MYRIP: variants seen among roughly 807,000 people sequenced by gnomAD.
MYRIP encodes the protein rab effector MyRIP.
In MYRIP, 49 loss-of-function variants were observed where a neutral mutation model predicts 98.0. That is an observed-to-expected ratio of 0.50 (90% confidence interval 0.40 to 0.63). MYRIP has a LOEUF of 0.63. Ranked by LOEUF, MYRIP falls within the 30% of genes least tolerant of loss-of-function variation. The pLI is 0.00. For missense variants in MYRIP, 1,004 were observed against 1,058.2 expected, an observed-to-expected ratio of 0.95 and a Z score of 0.71; for synonymous variants, 404 against 409.5, an observed-to-expected ratio of 0.99 and a Z score of 0.16.
chr3:39,983,309 G>A (rs1945940825), intron 2 of MYRIP, among the ~76,000 whole-genome samples: 2 of 152,116 alleles, frequency 1.3e-5, no homozygotes, highest in African/African-American at 4.8e-5. Flanking sequence ...CAACACAAAA[G>A]GTAATAGTTG....
At chr3:40,157,104 C>T (rs1296247380) in intron 4 of MYRIP, among the ~76,000 whole-genome samples, 3 of 147,218 alleles carry the variant, frequency 2.0e-5, no homozygotes. Flanking sequence ...CAGTTTTTGC[C>T]CATTCAGTAT....
At chr3:40,210,679 G>A (rs1457072563) in intron 11 of MYRIP, among the ~76,000 whole-genome samples, 1 of 152,052 alleles carries the variant, frequency 6.6e-6, no homozygotes, top group African/African-American at 2.4e-5. Context: ...TCTTGTCTCA[G>A]GGTCCCCAAA....
intron 2 of MYRIP, among the ~76,000 whole-genome samples, chr3:39,979,655 C>CAAAAA (rs56328162): frequency 7.6e-6 from 1 of 131,130 alleles, no homozygotes; most frequent in Non-Finnish European, 1.6e-5. Context: ...CAAAACAAAA[C>CAAAAA]AAAAAAAAAA....
rs570755689 is a variant in MYRIP, at chr3:40,052,482, G to A, written c.332+8211G>A. 2.0e-5 allele frequency among the ~76,000 whole-genome samples: 3 copies of A among 152,112 alleles called. No homozygotes were observed. In the South Asian group the frequency reaches 6.2e-4, roughly 32 times the overall value. Reference sequence around the variant, plus strand: ...TATGCACAAGTTAACAAATATATGGGGAAATATTGAACCTCATTAGAAATC... The same window carrying A: ...TATGCACAAGTTAACAAATATATGGAGAAATATTGAACCTCATTAGAAATC... On this transcript the variant is annotated intron_variant, in intron 3 of 16. Coordinates refer to ENST00000302541, the MANE Select transcript of MYRIP (RefSeq NM_015460.4).
At chr3:39,984,083 A>G (rs1320422562) in intron 2 of MYRIP, among the ~76,000 whole-genome samples, 3 of 152,232 alleles carry the variant, frequency 2.0e-5, no homozygotes, top group South Asian at 2.1e-4. Flanking sequence ...CTGCTTCCCA[A>G]TCTGGGGACT....
chr3:40,204,235 A>ATT lies in MYRIP; in HGVS notation c.1666-5608_1666-5607dup, dbSNP rs553006883. Among the ~76,000 whole-genome samples the ATT allele has an allele frequency of 4.1e-3, 109 of 26,710 alleles. 9 individuals carry two copies. Among genetic ancestry groups the ATT allele is most frequent in the African/African-American group, 0.017 (104 of 6,188 alleles). The allele number at this position is 26,710 out of a possible 152,430, so 17.5% of individuals were successfully genotyped here. A position where few individuals can be genotyped will look rare whatever the true frequency, so the allele number is the denominator to read the frequency against. On this transcript the variant is annotated intron_variant, in intron 10 of 16. Coordinates refer to ENST00000302541, the MANE Select transcript of MYRIP (RefSeq NM_015460.4). ...ATATATTATATATAAATATATATAT[A>ATT]TTTTTTTTTTTTGAGACAGAGTCTC...
chr3:39,817,034 C>A (rs1334937149), intron 1 of MYRIP, among the ~76,000 whole-genome samples: 3 of 152,150 alleles, frequency 2.0e-5, no homozygotes, highest in Non-Finnish European at 4.4e-5. Flanking sequence ...GCCTACTAAG[C>A]ATCATTTCCT....
chr3:40,036,175 C>A (rs987456024), intron 2 of MYRIP, among the ~76,000 whole-genome samples: 2 of 151,756 alleles, frequency 1.3e-5, no homozygotes, highest in Non-Finnish European at 2.9e-5. Context: ...CACTTAGTTA[C>A]TTCATAGTGA....
intron 2 of MYRIP, among the ~76,000 whole-genome samples, chr3:39,919,505 C>T (rs1248525825): frequency 6.6e-6 from 1 of 152,218 alleles, no homozygotes; most frequent in Non-Finnish European, 1.5e-5. Flanking sequence ...CTGCCACTCC[C>T]ACTTCCCTTC....
At chr3:40,038,181 G>C (rs1947425663) in intron 2 of MYRIP, among the ~76,000 whole-genome samples, 1 of 151,864 alleles carries the variant, frequency 6.6e-6, no homozygotes, top group Non-Finnish European at 1.5e-5. Flanking sequence ...TTAAACCTGA[G>C]AATTATAAAA....
At chr3:40,018,781 C>T (rs1353214454) in intron 2 of MYRIP, among the ~76,000 whole-genome samples, 1 of 152,128 alleles carries the variant, frequency 6.6e-6, no homozygotes, top group African/African-American at 2.4e-5. Context: ...ATGCTTCTAA[C>T]ATTATGGACA....
intron 2 of MYRIP, among the ~76,000 whole-genome samples, chr3:40,007,906 A>G (rs1485669023): frequency 6.6e-6 from 1 of 152,184 alleles, no homozygotes; most frequent in Non-Finnish European, 1.5e-5. Context: ...TGCCTTAATC[A>G]AAGTCTATAG....
intron 2 of MYRIP, among the ~76,000 whole-genome samples, chr3:40,017,294 A>G (rs753136061): frequency 7.9e-5 from 12 of 152,174 alleles, no homozygotes; most frequent in African/African-American, 1.2e-4. Flanking sequence ...AGTTCTCCAA[A>G]TGACCACTAC....
intron 2 of MYRIP, among the ~76,000 whole-genome samples, chr3:39,990,669 A>T (rs1365645745): frequency 3.9e-5 from 6 of 152,212 alleles, no homozygotes; most frequent in Non-Finnish European, 7.3e-5. Flanking sequence ...GTGTCTTGTT[A>T]TTCATTCTGA....
rs1188787907 is a variant in MYRIP, at chr3:39,809,680, G to T, written c.-267G>T. 1 of 151,946 alleles carries T rather than the reference G, an allele frequency of 6.6e-6. No homozygotes were observed. The highest frequency in any genetic ancestry group is 1.5e-5 in the Non-Finnish European group (1 of 67,934). 9.4% of individuals were successfully genotyped at this position (151,946 alleles called of 1,614,324 possible). ...CTGCTGCCGACGCCGCTGCGCTCCCGCCTCCTGTCGGTTCCCGGGTTCCCG... is the reference window on the plus strand; with the variant it reads ...CTGCTGCCGACGCCGCTGCGCTCCCTCCTCCTGTCGGTTCCCGGGTTCCCG... On this transcript the variant is annotated 5_prime_UTR_variant, in exon 1 of 17. Coordinates refer to ENST00000302541, the MANE Select transcript of MYRIP (RefSeq NM_015460.4).
At chr3:39,874,833 T>C (rs1014560943) in intron 1 of MYRIP, among the ~76,000 whole-genome samples, 5 of 152,192 alleles carry the variant, frequency 3.3e-5, no homozygotes, top group Non-Finnish European at 7.3e-5. Flanking sequence ...CCGGCTTTGG[T>C]ATCAGGATGA....
chr3:39,976,675 G>C (rs1005135192), intron 2 of MYRIP, among the ~76,000 whole-genome samples: 1 of 152,200 alleles, frequency 6.6e-6, no homozygotes, highest in African/African-American at 2.4e-5. Context: ...AGTGGATTTA[G>C]AAAATATGGC....
chr3:40,076,371 A>T (rs994113002), intron 3 of MYRIP, among the ~76,000 whole-genome samples: 5 of 152,208 alleles, frequency 3.3e-5, no homozygotes, highest in African/African-American at 1.2e-4. Context: ...CCTAGGGGCA[A>T]TAGTTTTTAC....
intron 8 of MYRIP, chr3:40,173,992 G>A (rs1253612224): frequency 2.0e-5 from 3 of 152,098 alleles, no homozygotes; most frequent in Non-Finnish European, 4.4e-5. Flanking sequence ...CCTAATGGAA[G>A]CCCCTCCCTG....
Sources: gnomAD v4.1 joint callset for allele counts (sites outside exome capture counted in the v4.1 genomes callset) on GRCh38, gnomAD v4.1.1 for gene constraint, MANE v1.5 for transcripts, NCBI Gene and HGNC (gene_info 2026-07-23, HGNC 2026-07-21) for gene names.